The following CDK14 variants were observed in gnomAD, a reference collection of about 807,000 sequenced individuals.
CDK14 encodes the protein cyclin-dependent kinase 14.
Under a neutral mutation model 60.7 loss-of-function variants are expected in CDK14, and 34 were observed. The observed-to-expected ratio is 0.56, with a 90% confidence interval of 0.43 to 0.75. CDK14 has a LOEUF of 0.75. CDK14 is among the 30% of genes least tolerant of loss of function. The pLI is 0.00. For synonymous variants in CDK14, 197 were observed against 203.7 expected (o/e 0.97, Z 0.28); for missense variants, 482 against 564.1 (o/e 0.85, Z 1.47).
At chr7:90,658,094 C>T (rs1800787795) in intron 2 of CDK14, among the ~76,000 whole-genome samples, 1 of 152,190 alleles carries the variant, frequency 6.6e-6, no homozygotes, top group African/African-American at 2.4e-5. Flanking sequence ...TGCCTGCTAG[C>T]AGTCACTGCT....
At chr7:90,819,239 G>A (rs1433985828) in intron 5 of CDK14, among the ~76,000 whole-genome samples, 2 of 152,104 alleles carry the variant, frequency 1.3e-5, no homozygotes, top group Admixed American at 6.6e-5. Flanking sequence ...CAAACCTCTA[G>A]ACTTTTTAAA....
intron 6 of CDK14, among the ~76,000 whole-genome samples, chr7:90,865,142 T>C (rs924914638): frequency 6.6e-6 from 1 of 152,162 alleles, no homozygotes; most frequent in Admixed American, 6.5e-5. Flanking sequence ...TTTTCTAACA[T>C]TTTGCTTTTT....
At chr7:90,760,142 C>T (rs531589454) in intron 4 of CDK14, among the ~76,000 whole-genome samples, 41 of 152,270 alleles carry the variant, frequency 2.7e-4, no homozygotes, top group South Asian at 1.0e-3. Context: ...AGAGACTACA[C>T]CAAACCAAGA....
chr7:90,672,510 T>G (rs1409524487), intron 2 of CDK14, among the ~76,000 whole-genome samples: 6 of 77,780 alleles, frequency 7.7e-5, no homozygotes, highest in African/African-American at 1.0e-4. Context: ...CTGTTTTTTT[T>G]TTTTTTTTTT....
At chr7:90,829,126 G>A (rs1789822590) in intron 5 of CDK14, among the ~76,000 whole-genome samples, 1 of 152,074 alleles carries the variant, frequency 6.6e-6, no homozygotes, top group South Asian at 2.1e-4. Flanking sequence ...CATGAGCACA[G>A]CATGAGGGAA....
At chr7:90,697,256 A>G (rs1344565086) in intron 2 of CDK14, among the ~76,000 whole-genome samples, 1 of 152,214 alleles carries the variant, frequency 6.6e-6, no homozygotes, top group African/African-American at 2.4e-5. Flanking sequence ...TAAAAAGAAG[A>G]CATGACTTAC....
intron 12 of CDK14, among the ~76,000 whole-genome samples, chr7:91,097,858 A>T (rs1254129552): frequency 1.3e-5 from 2 of 152,122 alleles, no homozygotes; most frequent in Non-Finnish European, 2.9e-5. Flanking sequence ...CCCTTTGTAT[A>T]TCTTCCCCCA....
chr7:90,837,246 C>G (rs1206673696), intron 5 of CDK14, among the ~76,000 whole-genome samples: 4 of 151,770 alleles, frequency 2.6e-5, no homozygotes, highest in African/African-American at 9.7e-5. Flanking sequence ...AGGCTTGCTA[C>G]ACTTCTGCAA....
At chr7:90,734,251 T>C (rs1368216746) in intron 3 of CDK14, among the ~76,000 whole-genome samples, 2 of 152,158 alleles carry the variant, frequency 1.3e-5, no homozygotes, top group Non-Finnish European at 2.9e-5. Flanking sequence ...ATTTTTTCCT[T>C]CATTTCAGCC....
At chr7:91,032,634 C>T (rs866910260) in intron 10 of CDK14, among the ~76,000 whole-genome samples, 1 of 152,114 alleles carries the variant, frequency 6.6e-6, no homozygotes, top group African/African-American at 2.4e-5. Flanking sequence ...ATGCCAGCAC[C>T]CACCAGAAGC....
At chr7:91,019,412 A>G (rs1004809262) in intron 10 of CDK14, among the ~76,000 whole-genome samples, 1 of 152,190 alleles carries the variant, frequency 6.6e-6, no homozygotes, top group African/African-American at 2.4e-5. Flanking sequence ...TGACTGAATT[A>G]TGAACAATAA....
intron 2 of CDK14, among the ~76,000 whole-genome samples, chr7:90,634,439 A>G (rs1384233224): frequency 1.3e-5 from 2 of 151,416 alleles, no homozygotes; most frequent in Admixed American, 6.6e-5. Flanking sequence ...AATTTCATCC[A>G]TGTCCCTACA....
At chr7:90,926,879 G>A (rs768782288) in intron 8 of CDK14, among the ~76,000 whole-genome samples, 3 of 152,072 alleles carry the variant, frequency 2.0e-5, no homozygotes, top group Non-Finnish European at 2.9e-5. Context: ...CCCCTTCCTT[G>A]GGTTCCATAG....
chr7:90,902,531 G>T (rs995865935), intron 7 of CDK14, among the ~76,000 whole-genome samples: 2 of 152,076 alleles, frequency 1.3e-5, no homozygotes, highest in Non-Finnish European at 2.9e-5. Flanking sequence ...AATAACTGGT[G>T]CTGGAAAAAC....
chr7:90,611,437 T>C (rs1232613224), intron 2 of CDK14, among the ~76,000 whole-genome samples: 3 of 152,232 alleles, frequency 2.0e-5, no homozygotes, highest in Non-Finnish European at 4.4e-5. Context: ...CAAGCATGCA[T>C]CTTCTCTTGT....
intron 5 of CDK14, among the ~76,000 whole-genome samples, chr7:90,850,970 T>C (rs1391487512): frequency 6.6e-6 from 1 of 152,188 alleles, no homozygotes; most frequent in East Asian, 1.9e-4. Context: ...CCTTTTAGTC[T>C]TCTTAGCTTC....
rs138769320 is a variant in CDK14, at chr7:91,109,040, A to G, written c.1155-3502A>G. Among the ~76,000 whole-genome samples the G allele has an allele frequency of 3.5e-3, 529 of 152,292 alleles. 1 individual carries two copies. The highest frequency in any genetic ancestry group is 5.4e-3 in the Non-Finnish European group (369 of 68,010). ...ATGGTAGCTGAAATAATTGTTAATA[A>G]TAAAATTTTTGAAAATCTTGTAATT... is the stretch of plus-strand genomic sequence containing the variant. On this transcript the variant is annotated intron_variant, in intron 12 of 14. Coordinates refer to ENST00000380050, the MANE Select transcript of CDK14 (RefSeq NM_001287135.2).
intron 10 of CDK14, among the ~76,000 whole-genome samples, chr7:90,993,495 G>A (rs541118144): frequency 6.6e-6 from 1 of 152,030 alleles, no homozygotes; most frequent in Admixed American, 6.6e-5. Flanking sequence ...CTTGAAATGT[G>A]GATGAAAAAT....
At chr7:91,059,816 T>C (rs200644916) in intron 11 of CDK14, among the ~76,000 whole-genome samples, 1,394 of 98,978 alleles carry the variant, frequency 0.014, no homozygotes, top group Admixed American at 0.018. Flanking sequence ...AGGAGTGCTT[T>C]ACTTCCAAGT....
Sources: gnomAD v4.1 joint callset for allele counts (sites outside exome capture counted in the v4.1 genomes callset) on GRCh38, gnomAD v4.1.1 for gene constraint, MANE v1.5 for transcripts, NCBI Gene and HGNC (gene_info 2026-07-23, HGNC 2026-07-21) for gene names.